The following DOK5 variants were observed in gnomAD, a reference collection of about 807,000 sequenced individuals.
The protein encoded by DOK5 is docking protein 5, also known as downstream of tyrosine kinase 5.
Under a neutral mutation model 43.3 loss-of-function variants are expected in DOK5, and 27 were observed. The observed-to-expected ratio is 0.62, with a 90% CI of 0.46 to 0.86. The LOEUF (loss-of-function observed/expected upper bound fraction) is 0.86. Ranked by LOEUF, DOK5 falls within the 40% of genes least tolerant of loss-of-function variation. DOK5 has a pLI of 0.00. For synonymous variants in DOK5, 146 were observed against 140.1 expected (o/e 1.04, Z -0.30); for missense variants, 373 against 392.9 (o/e 0.95, Z 0.43).
chr20:54,644,569 G>A (rs1262804373), intron 7 of DOK5, among the ~76,000 whole-genome samples: 3 of 151,964 alleles, frequency 2.0e-5, no homozygotes, highest in Admixed American at 1.3e-4. Flanking sequence ...AGCCGGGCGT[G>A]GTGGCGGGCG....
In DOK5 at chr20:54,586,851, C is replaced by G. The variant is rs528879042; in HGVS notation, c.175-1632C>G. Among the ~76,000 whole-genome samples, 5 of 151,828 alleles carry G rather than the reference C, an allele frequency of 3.3e-5. No individual in the cohort carries two copies. The South Asian group carries it at 1.0e-3, about 32-fold the overall frequency. On this transcript the variant is annotated intron_variant, in intron 2 of 7. Coordinates refer to ENST00000262593, the MANE Select transcript of DOK5 (RefSeq NM_018431.5). ...TCCACGGTGGCTGAGACATAGAGCA[C>G]ATGGGAAAGGTATAGAGAGGACAGT...
In DOK5 at chr20:54,591,784, G is replaced by T. The variant is rs60372652; in HGVS notation, c.578G>T (p.Trp193Leu). ...CGGCGGTATGGACGTGATACTACGT[G>T]GTTCACTTTTGAGGCAGGGAGGTGA... ...ALRRYGRDTT[W>L]FTFEAGRMCE... The change falls in exon 5 of 8, where the codon TGG (tryptophan) becomes TTG (leucine). Residue 193 changes from tryptophan (W) to leucine (L), a missense_variant. By Grantham distance (61) the Trp-to-Leu change is moderately conservative. Coordinates refer to ENST00000262593, the MANE Select transcript of DOK5 (RefSeq NM_018431.5). The T allele has an allele frequency of 1.9e-6, 3 of 1,611,868 alleles. No individual in the cohort carries two copies. Among genetic ancestry groups the T allele is most frequent in the Non-Finnish European group, 2.5e-6 (3 of 1,179,356 alleles).
intron 6 of DOK5, among the ~76,000 whole-genome samples, chr20:54,628,326 G>A (rs1978393225): frequency 6.9e-6 from 1 of 145,616 alleles, no homozygotes; most frequent in South Asian, 2.1e-4. Context: ...GGAGAATGGC[G>A]TGAACCCGGG....
chr20:54,531,580 G>A (rs1040754153), intron 1 of DOK5, among the ~76,000 whole-genome samples: 1 of 152,138 alleles, frequency 6.6e-6, no homozygotes, highest in Admixed American at 6.5e-5. Context: ...TTGCCTCCAC[G>A]TATTACTATT....
At chr20:54,601,688 AGGAGGGCCACAGTGTGGCCCT>A (rs1986303025) in intron 5 of DOK5, among the ~76,000 whole-genome samples, 1 of 152,186 alleles carries the variant, frequency 6.6e-6, no homozygotes, top group Non-Finnish European at 1.5e-5. Flanking sequence ...AAATGGCAGG[AGGAGGGCCACAGTGTGGCCCT>A]GCACAGTCTG....
intron 2 of DOK5, among the ~76,000 whole-genome samples, chr20:54,556,030 G>A (rs950696146): frequency 1.3e-5 from 2 of 152,182 alleles, no homozygotes; most frequent in African/African-American, 4.8e-5. Flanking sequence ...ATATGATGAT[G>A]AAAACAATGG....
intron 1 of DOK5, among the ~76,000 whole-genome samples, chr20:54,534,353 A>G (rs745883620): frequency 1.3e-4 from 20 of 152,008 alleles, no homozygotes; most frequent in Non-Finnish European, 2.4e-4. Context: ...ATGCCCAGAT[A>G]ATTTTTGTGT....
At chr20:54,549,041 T>C (rs760705746) in intron 1 of DOK5, among the ~76,000 whole-genome samples, 2 of 152,230 alleles carry the variant, frequency 1.3e-5, no homozygotes, top group Non-Finnish European at 2.9e-5. Flanking sequence ...ATGTGCCACC[T>C]TTTGCAAGCC....
intron 1 of DOK5, among the ~76,000 whole-genome samples, chr20:54,501,801 C>T (rs1982619685): frequency 6.6e-6 from 1 of 152,120 alleles, no homozygotes; most frequent in Admixed American, 6.6e-5. Flanking sequence ...GTGTTCAGCA[C>T]ATTAATAAAT....
At chr20:54,506,782 T>G (rs970831990) in intron 1 of DOK5, among the ~76,000 whole-genome samples, 1 of 152,200 alleles carries the variant, frequency 6.6e-6, no homozygotes, top group Admixed American at 6.5e-5. Context: ...TTTGAATACC[T>G]GCTATGTGGC....
intron 1 of DOK5, among the ~76,000 whole-genome samples, chr20:54,520,822 T>A (rs900977173): frequency 6.6e-6 from 1 of 151,842 alleles, no homozygotes; most frequent in African/African-American, 2.4e-5. Flanking sequence ...AAAACCTACA[T>A]GTCTTATATT....
intron 1 of DOK5, among the ~76,000 whole-genome samples, chr20:54,536,611 A>G (rs1192838002): frequency 1.3e-5 from 2 of 152,146 alleles, no homozygotes; most frequent in Non-Finnish European, 2.9e-5. Flanking sequence ...CCCAATAGGC[A>G]CACACAAAAA....
intron 1 of DOK5, among the ~76,000 whole-genome samples, chr20:54,543,070 A>G (rs1447314632): frequency 1.3e-5 from 2 of 152,196 alleles, no homozygotes; most frequent in African/African-American, 4.8e-5. Flanking sequence ...GTTTAACTAG[A>G]GGGTAAAAAT....
At chr20:54,556,166 A>G (rs945810437) in intron 2 of DOK5, among the ~76,000 whole-genome samples, 2 of 152,224 alleles carry the variant, frequency 1.3e-5, no homozygotes, top group African/African-American at 4.8e-5. Flanking sequence ...GAAGGGAGTC[A>G]AGGGTGGCGT....
intron 6 of DOK5, among the ~76,000 whole-genome samples, chr20:54,641,536 AATTATCATCATCATC>A (rs1160953466): frequency 1.8e-5 from 2 of 109,432 alleles, no homozygotes; most frequent in African/African-American, 6.7e-5. Flanking sequence ...TGCAATTTCT[AATTATCATCATCATC>A]ATCATCATCA....
At chr20:54,616,876 C>T (rs915478232) in intron 6 of DOK5, among the ~76,000 whole-genome samples, 1 of 151,216 alleles carries the variant, frequency 6.6e-6, no homozygotes, top group African/African-American at 2.4e-5. Flanking sequence ...CACGCTCCGC[C>T]TCCTGAGTTC....
intron 1 of DOK5, among the ~76,000 whole-genome samples, chr20:54,550,342 A>G (rs891606544): frequency 6.6e-6 from 1 of 152,250 alleles, no homozygotes; most frequent in Non-Finnish European, 1.5e-5. Flanking sequence ...ATTCAATTGT[A>G]AGAAATATTA....
At chr20:54,645,629 A>C (rs1290083874) in intron 7 of DOK5, among the ~76,000 whole-genome samples, 1 of 152,042 alleles carries the variant, frequency 6.6e-6, no homozygotes, top group Non-Finnish European at 1.5e-5. Context: ...ACTGGAGTGG[A>C]CATCTCTGAT....
intron 2 of DOK5, among the ~76,000 whole-genome samples, chr20:54,564,602 C>T (rs576922174): frequency 2.0e-5 from 3 of 152,020 alleles, no homozygotes; most frequent in African/African-American, 4.8e-5. Flanking sequence ...TCAAAGAAAA[C>T]ACAAAGAACA....
Sources: gnomAD v4.1 joint callset for allele counts (sites outside exome capture counted in the v4.1 genomes callset) on GRCh38, gnomAD v4.1.1 for gene constraint, MANE v1.5 for transcripts, NCBI Gene and HGNC (gene_info 2026-07-23, HGNC 2026-07-21) for gene names.